The following KIAA1549 variants were observed in gnomAD, a reference collection of about 807,000 sequenced individuals.
The protein encoded by KIAA1549 is UPF0606 protein KIAA1549.
In KIAA1549, 70 loss-of-function variants were observed where a neutral mutation model predicts 156.4. The observed-to-expected ratio is 0.45, with a 90% CI of 0.37 to 0.55. The LOEUF is 0.55. Among genes scored for constraint, KIAA1549 ranks in the 20% least tolerant of loss-of-function variants. The pLI is 0.00. For missense variants in KIAA1549, 2,428 were observed against 2,540.9 expected (o/e 0.96, Z 0.96); for synonymous variants, 1,103 against 1,066.4 (o/e 1.03, Z -0.67).
chr7:138,855,183 GTCAGCTCA>G (rs1172813408), intron 16 of KIAA1549, among the ~76,000 whole-genome samples: 2 of 152,178 alleles, frequency 1.3e-5, no homozygotes, highest in Non-Finnish European at 2.9e-5. Flanking sequence ...ACAAGTTCAG[GTCAGCTCA>G]TCAGATGAGC....
rs1413052606 is a variant in KIAA1549 at position 138,871,475 on chromosome 7, A to C, written c.4346-113T>G. The C allele has an allele frequency of 3.6e-6, 3 of 826,322 alleles. No individual in the cohort carries two copies. The African/African-American group carries it at 5.2e-5, about 14-fold the overall frequency. The allele number at this position is 826,322 out of a possible 1,614,324, so 51.2% of individuals were successfully genotyped here. A position where few individuals can be genotyped will look rare whatever the true frequency, so the allele number is the denominator to read the frequency against. Reference sequence around the variant, plus strand: ...TCTTTGGATGGGCCTCTGACCAAAAATACATCCCCACTGCAGTAGCAGAGT... The same window carrying C: ...TCTTTGGATGGGCCTCTGACCAAAACTACATCCCCACTGCAGTAGCAGAGT... On this transcript the variant is annotated intron_variant, in intron 12 of 19. Transcript: ENST00000422774.
intron 1 of KIAA1549, among the ~76,000 whole-genome samples, chr7:138,969,918 A>G (rs1290485785): frequency 2.6e-5 from 4 of 152,158 alleles, no homozygotes; most frequent in African/African-American, 9.7e-5. Flanking sequence ...CATAATAATC[A>G]CATCAAGGTA....
intron 1 of KIAA1549, among the ~76,000 whole-genome samples, chr7:138,978,604 G>A (rs548523925): frequency 6.6e-6 from 1 of 152,314 alleles, no homozygotes; most frequent in African/African-American, 2.4e-5. Context: ...GGACTCTATT[G>A]AACAAAAGTT....
chr7:138,886,330 A>G (rs1472857178), intron 10 of KIAA1549, among the ~76,000 whole-genome samples: 1 of 152,054 alleles, frequency 6.6e-6, no homozygotes, highest in East Asian at 1.9e-4. Context: ...GCTGGAGTGC[A>G]GTAGCACAAT....
At chr7:138,877,221 T>C (rs10268658) in intron 12 of KIAA1549, among the ~76,000 whole-genome samples, 18,568 of 151,660 alleles carry the variant, frequency 0.12, 1,486 homozygotes, top group East Asian at 0.23. Context: ...AGGCCGAACA[T>C]GGTGGCTCAC....
chr7:138,869,511 A>C, intron 14 of KIAA1549, 27 bp downstream of exon 14: 2 of 1,530,372 alleles, frequency 1.3e-6, no homozygotes, highest in Non-Finnish European at 1.8e-6. Flanking sequence ...CGCCCGCCCC[A>C]CCGCCTAGCG....
At position 138,833,418 on chromosome 7, in the gene KIAA1549, C is replaced by T. The variant is rs543379193; in HGVS notation, c.*4488G>A. ...GTTGTGCGAAAGAAGGAACGCTGAA[C>T]CTGTCCACGGGAAACGGGAGACTCC... On this transcript the variant is annotated 3_prime_UTR_variant, in exon 20 of 20. Transcript: ENST00000422774. The T allele has an allele frequency of 7.2e-4, 168 of 232,592 alleles. 5 individuals carry two copies. In the South Asian group the frequency reaches 0.029, roughly 41 times the overall value. The allele number at this position is 232,592 out of a possible 1,614,324, so 14.4% of individuals were successfully genotyped here. A position where few individuals can be genotyped will look rare whatever the true frequency, so the allele number is the denominator to read the frequency against.
At chr7:138,931,202 A>G (rs1011357645) in intron 1 of KIAA1549, among the ~76,000 whole-genome samples, 1 of 152,212 alleles carries the variant, frequency 6.6e-6, no homozygotes, top group African/African-American at 2.4e-5. Flanking sequence ...GATCACCATA[A>G]CAGATATAAT....
Position 138,837,847 on chromosome 7 carries a change from C to G in KIAA1549, c.*59G>C. On this transcript the variant is annotated 3_prime_UTR_variant, in exon 20 of 20. Coordinates refer to ENST00000422774, the MANE Select transcript of KIAA1549 (RefSeq NM_001164665.2). ...TTCCAAACACCCACTCAGTTGATTT[C>G]CTTTTGGTCTTGCTTCCACAGGAAG... is the stretch of plus-strand genomic sequence containing the variant. The G allele has an allele frequency of 1.9e-6, 3 of 1,567,766 alleles. No individual in the cohort carries two copies. The highest frequency in any genetic ancestry group is 2.6e-6 in the Non-Finnish European group (3 of 1,156,206).
intron 10 of KIAA1549, among the ~76,000 whole-genome samples, chr7:138,888,588 G>C (rs986160375): frequency 6.6e-6 from 1 of 152,128 alleles, no homozygotes; most frequent in African/African-American, 2.4e-5. Context: ...ACACTTACTA[G>C]TCGAATATTT....
chr7:138,954,455 A>T (rs1291290124), intron 1 of KIAA1549, among the ~76,000 whole-genome samples: 1 of 152,100 alleles, frequency 6.6e-6, no homozygotes, highest in Non-Finnish European at 1.5e-5. Context: ...AGCAGTGTGG[A>T]TTTTATCTAA....
Position 138,861,288 on chromosome 7 carries a change from G to C in KIAA1549, c.5098C>G (p.Pro1700Ala), listed in dbSNP as rs757022718. The change falls in exon 16 of 20, where the codon CCC becomes GCC. Residue 1700 changes from proline (P) to alanine (A), a missense_variant. Transcript: ENST00000422774. ...LLDDAFALVA[P>A]SSQPASTAGV... ...GCGGTGCTGGCAGGCTGGCTGCTGG[G>C]GGCCACGAGGGCAAAGGCGTCGTCC... 1.2e-6 allele frequency: 2 copies of C among 1,608,026 alleles called. No homozygotes were observed. Among genetic ancestry groups the C allele is most frequent in the Non-Finnish European group, 1.7e-6 (2 of 1,178,200 alleles).
In KIAA1549 at chr7:138,917,773, C is replaced by A. The variant is rs774887850; in HGVS notation, c.1853G>T (p.Gly618Val). 6 of 1,580,238 alleles carry A rather than the reference C, an allele frequency of 3.8e-6. No individual in the cohort carries two copies. In the South Asian group the frequency reaches 5.8e-5, roughly 15 times the overall value. The part of the protein sequence containing the change: ...RSSFSEHKPR[G>V]ALDFASSFFS... Reference sequence around the variant, plus strand: ...AAAGCTGGATGCAAAATCCAAAGCACCTCTGGGTTTATGCTCAGAAAAACT... The same window carrying A: ...AAAGCTGGATGCAAAATCCAAAGCAACTCTGGGTTTATGCTCAGAAAAACT... The change falls in exon 2 of 20, where the codon GGT (glycine) becomes GTT (valine). Residue 618 changes from glycine (G) to valine (V), a missense_variant. This residue lies in a region of KIAA1549 where 893 missense variants were observed against 847.9 expected (regional missense o/e 1.05). Coordinates refer to ENST00000422774, the MANE Select transcript of KIAA1549 (RefSeq NM_001164665.2).
At chr7:138,868,864 C>T (rs1810832770) in intron 14 of KIAA1549, among the ~76,000 whole-genome samples, 2 of 152,138 alleles carry the variant, frequency 1.3e-5, no homozygotes, top group Admixed American at 1.3e-4. Flanking sequence ...GCAGTTCTGT[C>T]CGTGTGGCTG....
intron 1 of KIAA1549, among the ~76,000 whole-genome samples, chr7:138,939,120 T>A (rs1422646096): frequency 1.3e-5 from 2 of 152,236 alleles, no homozygotes; most frequent in Admixed American, 6.5e-5. Context: ...AACTTTTTTT[T>A]AAAACACAAA....
At chr7:138,868,741 G>T (rs1041788448) in intron 14 of KIAA1549, among the ~76,000 whole-genome samples, 1 of 152,210 alleles carries the variant, frequency 6.6e-6, no homozygotes, top group African/African-American at 2.4e-5. Context: ...CCCAGAACTA[G>T]GTCTTGAAGA....
At chr7:138,909,162 T>C in intron 4 of KIAA1549, 41 bp from the exon 5 acceptor site, 1 of 1,584,802 alleles carries the variant, frequency 6.3e-7, no homozygotes, top group South Asian at 1.1e-5. Context: ...ATGAGGTGTT[T>C]GTGCTTCTGA....
chr7:138,935,788 C>T (rs982506942), intron 1 of KIAA1549, among the ~76,000 whole-genome samples: 19 of 152,172 alleles, frequency 1.2e-4, no homozygotes, highest in African/African-American at 1.2e-4. Flanking sequence ...TGCCTTAATT[C>T]GGCTCTAAAT....
At chr7:138,949,448 T>C (rs1813431223) in intron 1 of KIAA1549, among the ~76,000 whole-genome samples, 1 of 151,912 alleles carries the variant, frequency 6.6e-6, no homozygotes, top group African/African-American at 2.4e-5. Context: ...AAATAAAAAA[T>C]CAGTATTTTT....
Sources: allele counts gnomAD v4.1 joint callset (sites outside exome capture counted in the v4.1 genomes callset), GRCh38; gene constraint gnomAD v4.1.1; regional missense constraint gnomAD v4.1.1; transcripts MANE v1.5; gene names NCBI Gene and HGNC (gene_info 2026-07-23, HGNC 2026-07-21).